The following STAM2 variants were observed in gnomAD, a reference collection of about 807,000 sequenced individuals.
STAM2 encodes signal transducing adaptor molecule 2.
Under a neutral mutation model 65.6 loss-of-function variants are expected in STAM2, and 51 were observed. That is an observed-to-expected ratio of 0.78 (90% CI 0.62 to 0.98). The LOEUF (loss-of-function observed/expected upper bound fraction) is 0.98, where lower values mean the gene tolerates loss of function less well. STAM2 is among the 50% of genes least tolerant of loss of function. The pLI is 0.00. For missense variants in STAM2, 584 were observed against 617.8 expected (o/e 0.95, Z 0.58); for synonymous variants, 198 against 208.4 (o/e 0.95, Z 0.43).
At chr2:152,174,984 A>G (rs569267970) in intron 1 of STAM2, among the ~76,000 whole-genome samples, 32 of 152,090 alleles carry the variant, frequency 2.1e-4, no homozygotes, top group Non-Finnish European at 2.5e-4. Flanking sequence ...GAGACTGGAG[A>G]TTTCCTTTTC....
intron 6 of STAM2, 163 bp downstream of exon 6, chr2:152,144,725 G>A: frequency 1.9e-6 from 1 of 526,298 alleles, no homozygotes; most frequent in Non-Finnish European, 3.4e-6. Context: ...TTTTAGTAGA[G>A]ATGGGGTTTC....
intron 1 of STAM2, among the ~76,000 whole-genome samples, chr2:152,170,528 A>G (rs1022476819): frequency 5.9e-5 from 9 of 151,928 alleles, no homozygotes; most frequent in African/African-American, 1.7e-4. Flanking sequence ...ACAAGAAAAC[A>G]TAGATAAAAA....
chr2:152,125,598 A>G (rs555555908), intron 12 of STAM2, among the ~76,000 whole-genome samples: 2 of 152,324 alleles, frequency 1.3e-5, no homozygotes, highest in South Asian at 4.1e-4. Context: ...AAAGTACTGG[A>G]AAAAGATGGC....
chr2:152,149,617 C>A (rs1484270799), intron 2 of STAM2, among the ~76,000 whole-genome samples: 1 of 151,634 alleles, frequency 6.6e-6, no homozygotes, highest in Non-Finnish European at 1.5e-5. Context: ...CCTGTCTCAG[C>A]ATCTCAAGTA....
chr2:152,117,363 T>C lies in STAM2; in HGVS notation c.*3211A>G, dbSNP rs937251651. 6 of 152,218 alleles carry C rather than the reference T, an allele frequency of 3.9e-5. No homozygotes were observed. Among genetic ancestry groups the C allele is most frequent in the Admixed American group, 1.3e-4 (2 of 15,276 alleles). 9.4% of individuals were successfully genotyped at this position (152,218 alleles called of 1,614,324 possible). A position where few individuals can be genotyped will look rare whatever the true frequency, so the allele number is the denominator to read the frequency against. On this transcript the variant is annotated 3_prime_UTR_variant, in exon 14 of 14. Coordinates refer to ENST00000263904, the MANE Select transcript of STAM2 (RefSeq NM_005843.6). Reference sequence around the variant, plus strand: ...TTTGTAGAGATAGGGTCTTGCCATGTTGCCAGGTTGGTCTCAAACTCCTAG... The same window carrying C: ...TTTGTAGAGATAGGGTCTTGCCATGCTGCCAGGTTGGTCTCAAACTCCTAG...
intron 11 of STAM2, 33 bp downstream of exon 11, chr2:152,132,081 C>T (rs368416172): frequency 5.2e-6 from 8 of 1,533,782 alleles, no homozygotes; most frequent in Non-Finnish European, 7.1e-6. Flanking sequence ...CCCCCCAAAA[C>T]TATACTTTTT....
At chr2:152,128,101 T>G (rs1030676926) in intron 11 of STAM2, among the ~76,000 whole-genome samples, 1 of 152,090 alleles carries the variant, frequency 6.6e-6, no homozygotes, top group Non-Finnish European at 1.5e-5. Context: ...ATTAAGCAGG[T>G]CAAACTCTAT....
intron 1 of STAM2, among the ~76,000 whole-genome samples, chr2:152,160,911 C>A (rs1261960557): frequency 6.6e-6 from 1 of 150,934 alleles, no homozygotes; most frequent in Non-Finnish European, 1.5e-5. Context: ...CCGCCCCATC[C>A]GGGAGGTGAG....
intron 1 of STAM2, among the ~76,000 whole-genome samples, chr2:152,154,418 C>G (rs558504516): frequency 2.0e-5 from 3 of 152,140 alleles, no homozygotes; most frequent in Admixed American, 2.0e-4. Flanking sequence ...GAGTTCAAGA[C>G]CAGCCTGGGC....
At chr2:152,157,240 T>C (rs1689571661) in intron 1 of STAM2, among the ~76,000 whole-genome samples, 1 of 152,178 alleles carries the variant, frequency 6.6e-6, no homozygotes, top group Admixed American at 6.5e-5. Context: ...GATGAGTCTC[T>C]ATGGGGTCTA....
chr2:152,139,494 T>A (rs1689207989), intron 7 of STAM2, among the ~76,000 whole-genome samples: 2 of 152,198 alleles, frequency 1.3e-5, no homozygotes, highest in African/African-American at 4.8e-5. Flanking sequence ...GAGTCCAGGC[T>A]GTAGCGTGCT....
intron 1 of STAM2, among the ~76,000 whole-genome samples, chr2:152,160,071 G>A (rs1689633700): frequency 1.3e-5 from 2 of 152,204 alleles, no homozygotes; most frequent in African/African-American, 2.4e-5. Flanking sequence ...CGTGATCTCG[G>A]CTGGCTACAA....
chr2:152,167,903 G>C (rs1689818071), intron 1 of STAM2, among the ~76,000 whole-genome samples: 1 of 151,600 alleles, frequency 6.6e-6, no homozygotes, highest in African/African-American at 2.4e-5. Context: ...GAGTGAGGCT[G>C]TGTCTCAAAA....
rs1689096022 is a variant in STAM2 at position 152,133,277 on chromosome 2, A to T, written c.883-17T>A. On this transcript the variant is annotated splice_polypyrimidine_tract_variant and intron_variant, in intron 9 of 13. Transcript: ENST00000263904. ...CATCTTATCCTAAAAAAGTAACAGG[A>T]CACTTTTCAAAAACTCAAGAGTTTT... 1.3e-6 allele frequency: 2 copies of T among 1,588,118 alleles called. No individual in the cohort carries two copies. The highest frequency in any genetic ancestry group is 2.3e-5 in the South Asian group (2 of 88,544).
At chr2:152,148,377 T>A in intron 2 of STAM2, 77 bp from the exon 3 acceptor site, 1 of 1,194,422 alleles carries the variant, frequency 8.4e-7, no homozygotes, top group Non-Finnish European at 1.2e-6. Flanking sequence ...TATTATTCTA[T>A]TACCAAATAA....
At chr2:152,160,785 G>A (rs952434958) in intron 1 of STAM2, among the ~76,000 whole-genome samples, 14 of 149,844 alleles carry the variant, frequency 9.3e-5, no homozygotes, top group South Asian at 4.2e-4. Context: ...GAAGTGAGGA[G>A]CCCCTCTGCC....
chr2:152,168,089 T>A (rs1172274667), intron 1 of STAM2, among the ~76,000 whole-genome samples: 1 of 152,074 alleles, frequency 6.6e-6, no homozygotes, highest in African/African-American at 2.4e-5. Flanking sequence ...ACCTGGGTAA[T>A]AGGTGGTTAG....
intron 7 of STAM2, among the ~76,000 whole-genome samples, chr2:152,141,677 G>T (rs1014251930): frequency 6.6e-6 from 1 of 151,048 alleles, no homozygotes; most frequent in East Asian, 2.0e-4. Flanking sequence ...TGCAACCTCC[G>T]CCTCCCGGGT....
intron 1 of STAM2, among the ~76,000 whole-genome samples, chr2:152,171,452 C>T (rs941725975): frequency 2.0e-5 from 3 of 152,066 alleles, no homozygotes; most frequent in Non-Finnish European, 2.9e-5. Context: ...ACTTATTGTA[C>T]AAAGAGTGGC....
Sources: allele counts gnomAD v4.1 joint callset (sites outside exome capture counted in the v4.1 genomes callset), GRCh38; gene constraint gnomAD v4.1.1; transcripts MANE v1.5; gene names NCBI Gene and HGNC (gene_info 2026-07-23, HGNC 2026-07-21).